ZFAND3: variants seen among roughly 807,000 people sequenced by gnomAD.
The protein encoded by ZFAND3 is AN1-type zinc finger protein 3.
A neutral mutation model predicts 29.6 loss-of-function variants in ZFAND3; 10 were observed. The observed-to-expected ratio is 0.34, with a 90% CI of 0.21 to 0.57. The LOEUF (loss-of-function observed/expected upper bound fraction) is 0.57, where lower values mean the gene tolerates loss of function less well. Among genes scored for constraint, ZFAND3 ranks in the 20% least tolerant of loss-of-function variants. ZFAND3 has a pLI of 0.86. For missense variants in ZFAND3, 230 were observed against 304.5 expected, an observed-to-expected ratio of 0.76 and a Z score of 1.82; for synonymous variants, 128 against 112.6, an observed-to-expected ratio of 1.14 and a Z score of -0.87.
At chr6:37,958,327 G>T (rs1041579654) in intron 2 of ZFAND3, among the ~76,000 whole-genome samples, 1 of 151,646 alleles carries the variant, frequency 6.6e-6, no homozygotes, top group African/African-American at 2.4e-5. Context: ...GGTGGCGGGC[G>T]CCTGTAACCC....
intron 2 of ZFAND3, among the ~76,000 whole-genome samples, chr6:38,037,453 C>T (rs554973823): frequency 7.2e-5 from 11 of 152,266 alleles, no homozygotes; most frequent in South Asian, 6.2e-4. Context: ...ATCACCAATC[C>T]GTCACCATTT....
intron 3 of ZFAND3, among the ~76,000 whole-genome samples, chr6:38,075,852 C>T (rs1041183975): frequency 2.6e-5 from 4 of 152,072 alleles, no homozygotes; most frequent in Non-Finnish European, 4.4e-5. Context: ...CCCGGGTTCA[C>T]GCCATTCTCC....
intron 1 of ZFAND3, among the ~76,000 whole-genome samples, chr6:37,852,030 T>C (rs1764290988): frequency 6.6e-6 from 1 of 152,246 alleles, no homozygotes; most frequent in Admixed American, 6.5e-5. Context: ...ATTCTAATTA[T>C]AATGTAGGAA....
chr6:38,014,430 G>A (rs1763219173), intron 2 of ZFAND3, among the ~76,000 whole-genome samples: 1 of 151,960 alleles, frequency 6.6e-6, no homozygotes, highest in Admixed American at 6.6e-5. Flanking sequence ...TGGTTTAAGC[G>A]ATTCTCCCGC....
chr6:37,988,748 T>C (rs1330580039), intron 2 of ZFAND3, among the ~76,000 whole-genome samples: 2 of 152,194 alleles, frequency 1.3e-5, no homozygotes, highest in African/African-American at 4.8e-5. Context: ...GATTCTTAGC[T>C]CCTCCTTTCC....
intron 2 of ZFAND3, among the ~76,000 whole-genome samples, chr6:38,057,877 C>T (rs1428991303): frequency 6.6e-6 from 1 of 152,170 alleles, no homozygotes; most frequent in Non-Finnish European, 1.5e-5. Flanking sequence ...ATATATAGAG[C>T]TTCTACTCCT....
chr6:37,916,686 T>C (rs1235871865), intron 1 of ZFAND3, among the ~76,000 whole-genome samples: 6 of 152,122 alleles, frequency 3.9e-5, no homozygotes, highest in African/African-American at 1.4e-4. Context: ...AGGTATGCCA[T>C]GTATAATTAC....
At chr6:37,832,704 C>T (rs578260492) in intron 1 of ZFAND3, among the ~76,000 whole-genome samples, 2 of 152,196 alleles carry the variant, frequency 1.3e-5, no homozygotes, top group South Asian at 2.1e-4. Context: ...GACAGGGTCT[C>T]GCTCTGTTGC....
intron 1 of ZFAND3, among the ~76,000 whole-genome samples, chr6:37,921,900 A>C (rs1214978022): frequency 7.1e-6 from 1 of 140,612 alleles, no homozygotes; most frequent in Non-Finnish European, 1.5e-5. Context: ...AAAAAAAAAC[A>C]AACCCACACA....
At chr6:37,907,991 T>TTA (rs1561929892) in intron 1 of ZFAND3, among the ~76,000 whole-genome samples, 1 of 152,228 alleles carries the variant, frequency 6.6e-6, no homozygotes, top group African/African-American at 2.4e-5. Context: ...GTCAGCTACT[T>TTA]TATAGTCCAT....
intron 2 of ZFAND3, among the ~76,000 whole-genome samples, chr6:37,981,047 G>A (rs1174109417): frequency 6.6e-6 from 1 of 152,190 alleles, no homozygotes; most frequent in Non-Finnish European, 1.5e-5. Flanking sequence ...AACATAGCAA[G>A]GAGCAGGGGG....
chr6:37,842,277 A>C (rs982925374), intron 1 of ZFAND3, among the ~76,000 whole-genome samples: 2 of 152,144 alleles, frequency 1.3e-5, no homozygotes, highest in Non-Finnish European at 2.9e-5. Context: ...TCGCTCCAGA[A>C]AGGTTCCTCA....
rs199514400 is a variant in ZFAND3, at chr6:38,069,642, T to TA, written c.295+7868dup. 9.5e-3 allele frequency among the ~76,000 whole-genome samples: 1,448 copies of TA among 152,362 alleles called. 24 individuals carry two copies. The highest frequency in any genetic ancestry group is 0.033 in the African/African-American group (1,367 of 41,586). ...GCAGTACAGTATAATAATGTACAGT[T>TA]ATATGCTATATTGAAGTGAAGAGCC... On this transcript the variant is annotated intron_variant, in intron 3 of 5. Coordinates refer to ENST00000287218, the MANE Select transcript of ZFAND3 (RefSeq NM_021943.3).
intron 1 of ZFAND3, among the ~76,000 whole-genome samples, chr6:37,836,750 C>G (rs1452954086): frequency 6.6e-6 from 1 of 152,140 alleles, no homozygotes; most frequent in Non-Finnish European, 1.5e-5. Flanking sequence ...ATTTTCACTT[C>G]TATTAACACT....
At chr6:37,855,338 G>A (rs1005979809) in intron 1 of ZFAND3, among the ~76,000 whole-genome samples, 2 of 148,462 alleles carry the variant, frequency 1.3e-5, no homozygotes, top group Non-Finnish European at 3.0e-5. Context: ...TTTAAGTAGA[G>A]ATAGCGTTTC....
chr6:37,875,263 A>T (rs746240205), intron 1 of ZFAND3, among the ~76,000 whole-genome samples: 1 of 152,188 alleles, frequency 6.6e-6, no homozygotes, highest in Non-Finnish European at 1.5e-5. Context: ...TGGAGTTGCA[A>T]TGTAATAAAA....
rs754484158 is a variant in ZFAND3 at position 38,032,041 on chromosome 6, C to G, written c.113-29552C>G. Among the ~76,000 whole-genome samples, 61 of 151,996 alleles carry G rather than the reference C, an allele frequency of 4.0e-4. 1 individual carries two copies. The highest frequency in any genetic ancestry group is 2.8e-4 in the Non-Finnish European group (19 of 68,004). ...TAGATGAGGTCTGGGTCATGTTACCCAGGCTGGTCTCTAACTCCTGTGCTC... is the reference window on the plus strand; with the variant it reads ...TAGATGAGGTCTGGGTCATGTTACCGAGGCTGGTCTCTAACTCCTGTGCTC... On this transcript the variant is annotated intron_variant, in intron 2 of 5. Transcript: ENST00000287218.
chr6:38,084,033 A>G (rs1179902296), intron 4 of ZFAND3, among the ~76,000 whole-genome samples: 1 of 152,128 alleles, frequency 6.6e-6, no homozygotes, highest in Non-Finnish European at 1.5e-5. Context: ...GCACTCATAA[A>G]CTTAAGTATA....
intron 5 of ZFAND3, among the ~76,000 whole-genome samples, chr6:38,120,002 G>T (rs1238410982): frequency 1.3e-5 from 2 of 152,110 alleles, no homozygotes; most frequent in East Asian, 3.9e-4. Flanking sequence ...CTTTTCCTGT[G>T]AAATCTTTCA....
Sources: gnomAD v4.1 joint callset for allele counts (sites outside exome capture counted in the v4.1 genomes callset) on GRCh38, gnomAD v4.1.1 for gene constraint, MANE v1.5 for transcripts, NCBI Gene and HGNC (gene_info 2026-07-23, HGNC 2026-07-21) for gene names.